Variants in TENM3 observed in about 807,000 individuals in gnomAD.
The protein encoded by TENM3 is teneurin-3.
In TENM3, 63 loss-of-function variants were observed where a neutral mutation model predicts 255.1. That is an observed-to-expected ratio of 0.25 (90% CI 0.20 to 0.30). The LOEUF is 0.30. TENM3 is among the 10% of genes least tolerant of loss of function. The probability of loss-of-function intolerance (pLI) is 1.00; values close to 1 mark genes in which losing one functional copy is unlikely to be tolerated. For missense variants in TENM3, 2,929 were observed against 3,461.1 expected, an observed-to-expected ratio of 0.85 and a Z score of 3.86; for synonymous variants, 1,306 against 1,322.3, an observed-to-expected ratio of 0.99 and a Z score of 0.27.
At chr4:182,578,949 G>A (rs1358968632) in intron 3 of TENM3, among the ~76,000 whole-genome samples, 5 of 152,064 alleles carry the variant, frequency 3.3e-5, no homozygotes, top group Admixed American at 6.6e-5. Flanking sequence ...AACCAACCCC[G>A]GCACAAAGCA....
chr4:181,582,763 G>C, the TENM3 span, among the ~76,000 whole-genome samples: 5 of 152,010 alleles, frequency 3.3e-5, no homozygotes, highest in African/African-American at 1.2e-4. Flanking sequence ...GGGTCATGGA[G>C]CCGCCAGGCT....
the TENM3 span, among the ~76,000 whole-genome samples, chr4:181,958,846 A>G: frequency 4.6e-5 from 7 of 152,308 alleles, no homozygotes; most frequent in African/African-American, 1.2e-4. Flanking sequence ...TGAAAAATCA[A>G]TATTTATTAA....
chr4:182,139,092 C>G (rs1461720216), upstream of TENM3, among the ~76,000 whole-genome samples: 1 of 152,162 alleles, frequency 6.6e-6, no homozygotes, highest in Non-Finnish European at 1.5e-5. Context: ...AGCCCATGGG[C>G]TAGGCTTGTG....
chr4:182,166,645 C>A (rs1751743924), intron 1 of TENM3, among the ~76,000 whole-genome samples: 1 of 151,844 alleles, frequency 6.6e-6, no homozygotes, highest in African/African-American at 2.4e-5. Context: ...TTTTCTTTTT[C>A]TTTTGTGACA....
chr4:181,592,108 A>G, the TENM3 span, among the ~76,000 whole-genome samples: 1 of 152,024 alleles, frequency 6.6e-6, no homozygotes, highest in Admixed American at 6.6e-5. Context: ...CGCCCAGGAA[A>G]CTTTTGCAGG....
intron 3 of TENM3, among the ~76,000 whole-genome samples, chr4:182,425,149 A>C (rs1055194537): frequency 6.6e-6 from 1 of 152,202 alleles, no homozygotes; most frequent in Non-Finnish European, 1.5e-5. Flanking sequence ...TTTTCACTCC[A>C]TCCTAGCTGC....
the TENM3 span, among the ~76,000 whole-genome samples, chr4:181,658,862 A>G: frequency 6.6e-6 from 1 of 152,192 alleles, no homozygotes; most frequent in Non-Finnish European, 1.5e-5. Context: ...AGATGGAGCC[A>G]GGACACTCTA....
At chr4:181,621,906 C>T in the TENM3 span, among the ~76,000 whole-genome samples, 1 of 152,090 alleles carries the variant, frequency 6.6e-6, no homozygotes, top group African/African-American at 2.4e-5. Flanking sequence ...GAATGAAAGG[C>T]GAGTATCATT....
the TENM3 span, among the ~76,000 whole-genome samples, chr4:181,581,930 G>A: frequency 1.1e-4 from 17 of 151,958 alleles, no homozygotes; most frequent in South Asian, 1.0e-3. Flanking sequence ...ATTGAGTTTC[G>A]CCATGTTACC....
the TENM3 span, among the ~76,000 whole-genome samples, chr4:181,482,778 T>C: frequency 6.6e-6 from 1 of 152,182 alleles, no homozygotes; most frequent in African/African-American, 2.4e-5. Context: ...TCGTTTTATA[T>C]GTCTGCATGA....
At chr4:182,159,750 T>G (rs1157146976) in intron 1 of TENM3, among the ~76,000 whole-genome samples, 2 of 151,970 alleles carry the variant, frequency 1.3e-5, no homozygotes, top group Non-Finnish European at 2.9e-5. Context: ...GAAGTGACAG[T>G]GTGTGATGTC....
At chr4:181,555,499 A>G in the TENM3 span, among the ~76,000 whole-genome samples, 1 of 152,256 alleles carries the variant, frequency 6.6e-6, no homozygotes, top group African/African-American at 2.4e-5. Context: ...ACAAGCAACC[A>G]TATTTAATTG....
At chr4:181,573,036 C>A in the TENM3 span, among the ~76,000 whole-genome samples, 1 of 132,498 alleles carries the variant, frequency 7.5e-6, no homozygotes, top group Admixed American at 7.4e-5. Context: ...ACATAATGAC[C>A]CTCTGATTCC....
At chr4:181,548,194 C>T in the TENM3 span, among the ~76,000 whole-genome samples, 4 of 152,130 alleles carry the variant, frequency 2.6e-5, no homozygotes, top group Admixed American at 1.3e-4. Flanking sequence ...GAAATAGGAA[C>T]ATTTTTACAC....
chr4:181,455,042 A>C, the TENM3 span, among the ~76,000 whole-genome samples: 1 of 152,124 alleles, frequency 6.6e-6, no homozygotes, highest in African/African-American at 2.4e-5. Context: ...AAGTAACCTT[A>C]TTGAATAAAT....
At chr4:181,776,328 A>G in the TENM3 span, among the ~76,000 whole-genome samples, 2 of 152,122 alleles carry the variant, frequency 1.3e-5, no homozygotes, top group African/African-American at 4.8e-5. Context: ...GTTGATGGAC[A>G]CTTAGGTTGA....
chr4:182,154,336 T>C (rs1286896561), intron 1 of TENM3, among the ~76,000 whole-genome samples: 1 of 152,162 alleles, frequency 6.6e-6, no homozygotes, highest in African/African-American at 2.4e-5. Flanking sequence ...CACTCTTTGA[T>C]GAAGGATTAT....
chr4:182,104,665 C>G, the TENM3 span, among the ~76,000 whole-genome samples: 1 of 151,970 alleles, frequency 6.6e-6, no homozygotes, highest in Non-Finnish European at 1.5e-5. Flanking sequence ...GCACCTGTCA[C>G]CACGCCTAGC....
chr4:182,646,523 C>T (rs1752755395), intron 5 of TENM3, among the ~76,000 whole-genome samples: 2 of 152,080 alleles, frequency 1.3e-5, no homozygotes, highest in Admixed American at 1.3e-4. Context: ...GGGTGGATTG[C>T]TTGAGGTCAG....
Sources: allele counts gnomAD v4.1 joint callset (sites outside exome capture counted in the v4.1 genomes callset), GRCh38; gene constraint gnomAD v4.1.1; transcripts MANE v1.5; gene names NCBI Gene and HGNC (gene_info 2026-07-23, HGNC 2026-07-21).